Variants in SLC30A8 observed in about 807,000 individuals in gnomAD.
SLC30A8 encodes the protein solute carrier family 30 member 8, also known as proton-coupled zinc antiporter SLC30A8.
SLC30A8 carries 27 observed loss-of-function variants against 36.9 expected under a neutral mutation model. The ratio of observed to expected loss-of-function variants is 0.73; its 90% CI spans 0.54 to 1.01. The LOEUF (loss-of-function observed/expected upper bound fraction) is 1.01, where lower values mean the gene tolerates loss of function less well. Ranked by LOEUF, SLC30A8 falls within the 50% of genes least tolerant of loss-of-function variation. SLC30A8 has a pLI of 0.00. For missense variants in SLC30A8, 439 were observed against 452.0 expected (o/e 0.97, Z 0.26); for synonymous variants, 164 against 172.4 (o/e 0.95, Z 0.38).
intron 2 of SLC30A8, among the ~76,000 whole-genome samples, chr8:117,063,153 A>G (rs1439104209): frequency 6.6e-6 from 1 of 152,162 alleles, no homozygotes; most frequent in African/African-American, 2.4e-5. Flanking sequence ...TTCTTGGCAG[A>G]ATTGCTTTGG....
intron 1 of SLC30A8, among the ~76,000 whole-genome samples, chr8:117,027,694 T>A (rs1816915559): frequency 6.6e-6 from 1 of 152,190 alleles, no homozygotes. Flanking sequence ...ACTGTGATTC[T>A]TAAGGGTCAT....
intron 2 of SLC30A8, among the ~76,000 whole-genome samples, chr8:117,148,416 A>G (rs1822003804): frequency 6.6e-6 from 1 of 152,108 alleles, no homozygotes; most frequent in Admixed American, 6.5e-5. Context: ...AAGGTGTTTC[A>G]CTGATCTGTG....
At chr8:117,084,499 C>T (rs1314548695) in intron 2 of SLC30A8, among the ~76,000 whole-genome samples, 1 of 152,140 alleles carries the variant, frequency 6.6e-6, no homozygotes, top group Admixed American at 6.6e-5. Context: ...CTCTTTTACC[C>T]CAGTAATTAC....
intron 1 of SLC30A8, among the ~76,000 whole-genome samples, chr8:117,018,954 C>T (rs1322006995): frequency 3.9e-5 from 6 of 152,178 alleles, no homozygotes; most frequent in Non-Finnish European, 5.9e-5. Context: ...TGAGCCACTG[C>T]GCCCAGCCCA....
At chr8:116,983,930 G>A (rs1815357573) in intron 1 of SLC30A8, among the ~76,000 whole-genome samples, 1 of 151,958 alleles carries the variant, frequency 6.6e-6, no homozygotes, top group South Asian at 2.1e-4. Flanking sequence ...TCACAATCAA[G>A]ATGCAGGGCT....
intron 1 of SLC30A8, among the ~76,000 whole-genome samples, chr8:116,952,895 CA>C (rs1256937965): frequency 4.0e-5 from 6 of 150,250 alleles, no homozygotes; most frequent in African/African-American, 1.2e-4. Context: ...ATTTTAGATT[CA>C]GGGGGTATAT....
intron 2 of SLC30A8, among the ~76,000 whole-genome samples, chr8:117,046,103 C>A (rs890993895): frequency 5.3e-5 from 8 of 152,112 alleles, no homozygotes; most frequent in African/African-American, 1.9e-4. Flanking sequence ...TCATGAAGGG[C>A]AGGATCAGAG....
chr8:117,031,467 CT>C (rs1196166644), intron 1 of SLC30A8, among the ~76,000 whole-genome samples: 114 of 143,192 alleles, frequency 8.0e-4, no homozygotes, highest in Admixed American at 8.4e-4. Flanking sequence ...TTCTTCTTTT[CT>C]TTTTTTTTTT....
At chr8:117,079,482 G>A (rs1297804319) in intron 2 of SLC30A8, among the ~76,000 whole-genome samples, 2 of 152,112 alleles carry the variant, frequency 1.3e-5, no homozygotes, top group African/African-American at 4.8e-5. Flanking sequence ...CTCTAGCAGT[G>A]ACGTTTGATT....
At chr8:117,000,545 T>G (rs752953449) in intron 1 of SLC30A8, among the ~76,000 whole-genome samples, 14 of 152,198 alleles carry the variant, frequency 9.2e-5, no homozygotes, top group African/African-American at 3.1e-4. Context: ...ATCTAGACAT[T>G]TGTTGACTTG....
intron 2 of SLC30A8, among the ~76,000 whole-genome samples, chr8:117,118,202 CA>C (rs964967709): frequency 7.1e-6 from 1 of 140,440 alleles, no homozygotes; most frequent in African/African-American, 2.6e-5. Flanking sequence ...AACCAAAAAA[CA>C]AAAAACAAAA....
intron 3 of SLC30A8, among the ~76,000 whole-genome samples, chr8:117,156,293 T>G (rs1277065416): frequency 2.6e-5 from 4 of 152,178 alleles, no homozygotes; most frequent in Non-Finnish European, 5.9e-5. Flanking sequence ...TCCGCTTGCT[T>G]CAGCCTCACA....
At chr8:117,117,765 A>G (rs1003362009) in intron 2 of SLC30A8, among the ~76,000 whole-genome samples, 5 of 151,962 alleles carry the variant, frequency 3.3e-5, no homozygotes, top group Admixed American at 6.6e-5. Flanking sequence ...ACGAACCAAT[A>G]TGATGACATC....
chr8:117,007,035 A>G (rs537314120), intron 1 of SLC30A8: 6 of 126,796 alleles, frequency 4.7e-5, no homozygotes, highest in African/African-American at 9.5e-5. Flanking sequence ...TGAACTCCTG[A>G]CCTCAAGTGA....
At chr8:117,121,276 A>G (rs549436729) in intron 2 of SLC30A8, among the ~76,000 whole-genome samples, 5 of 152,120 alleles carry the variant, frequency 3.3e-5, no homozygotes, top group Admixed American at 2.0e-4. Flanking sequence ...TAATGAAAAC[A>G]TGGTATATAC....
intron 2 of SLC30A8, among the ~76,000 whole-genome samples, chr8:117,053,531 G>C (rs187179490): frequency 1.3e-5 from 2 of 152,184 alleles, no homozygotes; most frequent in African/African-American, 2.4e-5. Context: ...GTCTGAGCCC[G>C]AGCCCGAGCC....
At chr8:117,085,877 A>G (rs1482153637) in intron 2 of SLC30A8, among the ~76,000 whole-genome samples, 2 of 152,170 alleles carry the variant, frequency 1.3e-5, no homozygotes, top group Non-Finnish European at 2.9e-5. Context: ...TAACTATAAA[A>G]TAAAGTCCAA....
chr8:116,983,141 G>A (rs997919051), intron 1 of SLC30A8, among the ~76,000 whole-genome samples: 1 of 152,204 alleles, frequency 6.6e-6, no homozygotes, highest in Middle Eastern at 3.4e-3. Context: ...TATTTTAGTA[G>A]TGTGTACTTT....
intron 2 of SLC30A8, among the ~76,000 whole-genome samples, chr8:117,067,299 A>T (rs901976801): frequency 6.6e-6 from 1 of 152,030 alleles, no homozygotes; most frequent in South Asian, 2.1e-4. Flanking sequence ...GATTTTAGTC[A>T]TATAAATCAA....
Sources: gnomAD v4.1 joint callset for allele counts (sites outside exome capture counted in the v4.1 genomes callset) on GRCh38, gnomAD v4.1.1 for gene constraint, MANE v1.5 for transcripts, NCBI Gene and HGNC (gene_info 2026-07-23, HGNC 2026-07-21) for gene names.